Variants in RECQL observed in about 807,000 individuals in gnomAD.
RECQL encodes ATP-dependent DNA helicase Q1.
RECQL carries 73 observed loss-of-function variants against 75.8 expected under a neutral mutation model. The observed-to-expected ratio is 0.96, with a 90% CI of 0.80 to 1.17. The LOEUF is 1.17. Ranked by LOEUF, RECQL falls within the 50% of genes most tolerant of loss-of-function variation. The pLI, the probability that RECQL is intolerant of heterozygous loss-of-function variation, is 0.00. For synonymous variants in RECQL, 248 were observed against 254.4 expected (o/e 0.97, Z 0.24); for missense variants, 699 against 772.1 (o/e 0.91, Z 1.12).
chr12:21,487,418 TTATAGTAA>T (rs1943326731), intron 4 of RECQL, among the ~76,000 whole-genome samples: 1 of 152,218 alleles, frequency 6.6e-6, no homozygotes, highest in African/African-American at 2.4e-5. Flanking sequence ...CTGAATGAAG[TTATAGTAA>T]TATGCCCCCT....
intron 8 of RECQL, 60 bp downstream of exon 8, chr12:21,476,851 A>G: frequency 9.3e-7 from 1 of 1,078,408 alleles, no homozygotes; most frequent in Non-Finnish European, 1.4e-6. Flanking sequence ...TATCAATATG[A>G]TATGAAGTCA....
chr12:21,488,854 G>A (rs1943355455), intron 4 of RECQL, among the ~76,000 whole-genome samples: 1 of 152,198 alleles, frequency 6.6e-6, no homozygotes, highest in Non-Finnish European at 1.5e-5. Context: ...ATAAGGAAAA[G>A]TTTTAAAAAT....
At chr12:21,493,359 T>C (rs147377725) in intron 2 of RECQL, among the ~76,000 whole-genome samples, 6 of 152,264 alleles carry the variant, frequency 3.9e-5, no homozygotes, top group Middle Eastern at 3.4e-3. Flanking sequence ...CTGTTACAAA[T>C]GTTTTGGTGA....
chr12:21,496,991 G>T (rs1943520903), intron 2 of RECQL, among the ~76,000 whole-genome samples: 1 of 152,222 alleles, frequency 6.6e-6, no homozygotes, highest in South Asian at 2.1e-4. Context: ...TCACAACAAA[G>T]ATGATAAGGA....
rs995459331 is a variant in RECQL, at chr12:21,471,242, TAAAG to T, written c.1668-148_1668-145del. ...TTTACAAGAATGCAAATAAAGCCTT[TAAAG>T]AAAATATTTTCGTTACTTTTTTTTA... On this transcript the variant is annotated intron_variant, in intron 13 of 14. Coordinates refer to ENST00000444129, the MANE Select transcript of RECQL (RefSeq NM_002907.4). The T allele has an allele frequency of 5.8e-6, 6 of 1,032,540 alleles. No homozygotes were observed. The African/African-American group carries it at 1.0e-4, about 17-fold the overall frequency. The allele number at this position is 1,032,540 out of a possible 1,614,324, so 64.0% of individuals were successfully genotyped here.
In RECQL at chr12:21,474,855, A is replaced by G; in HGVS notation, c.1341T>C (p.Cys447=). ...ATGTGGCTTACTTGCTTATGTTTTG[A>G]CAGTATGATACCATCTCATAAAGCT... ...QQKLYEMVSY[C]QNISKCRRVL... is the part of the protein sequence containing the mutation. The change falls in exon 11 of 15, where the codon TGT becomes TGC. Residue 447 remains cysteine (C), a synonymous_variant. Coordinates refer to ENST00000444129, the MANE Select transcript of RECQL (RefSeq NM_002907.4). The G allele has an allele frequency of 6.2e-7, 1 of 1,612,600 alleles. No individual in the cohort carries two copies. Among genetic ancestry groups the G allele is most frequent in the South Asian group, 1.1e-5 (1 of 90,980 alleles).
At position 21,483,358 on chromosome 12, in the gene RECQL, T is replaced by C. The variant is rs764111407; in HGVS notation, c.700+18A>G. 6.3e-7 allele frequency: 1 copy of C among 1,577,672 alleles called. No homozygotes were observed. Among genetic ancestry groups the C allele is most frequent in the Admixed American group, 1.8e-5 (1 of 54,232 alleles). On this transcript the variant is annotated intron_variant, in intron 6 of 14. Transcript: ENST00000444129. ...CGGTCTATGACATCAAAAAGTTTTC[T>C]AGATAAAACATACATACCAGGTCTG...
chr12:21,481,915 G>T (rs1943199057), intron 6 of RECQL, among the ~76,000 whole-genome samples: 1 of 151,968 alleles, frequency 6.6e-6, no homozygotes, highest in Admixed American at 6.6e-5. Flanking sequence ...GAGGAATGAA[G>T]ATGAGACCAC....
chr12:21,490,695 T>A (rs1207571599), intron 3 of RECQL, among the ~76,000 whole-genome samples: 2 of 152,046 alleles, frequency 1.3e-5, no homozygotes, highest in African/African-American at 2.4e-5. Context: ...ATAAAAAAAT[T>A]TTTTTTAAAG....
chr12:21,496,760 C>T (rs1943516051), intron 2 of RECQL, among the ~76,000 whole-genome samples: 1 of 152,188 alleles, frequency 6.6e-6, no homozygotes, highest in African/African-American at 2.4e-5. Context: ...ACTAAGAGAG[C>T]AGCACAGAGC....
chr12:21,485,199 G>GAAAAAAAAAAA, intron 5 of RECQL, among the ~76,000 whole-genome samples: 1 of 133,610 alleles, frequency 7.5e-6, no homozygotes, highest in Non-Finnish European at 1.6e-5. Context: ...ACCACAGTAA[G>GAAAAAAAAAAA]TATACTCTTG....
chr12:21,470,723 T>G (rs1378421155), intron 14 of RECQL: 1 of 333,006 alleles, frequency 3.0e-6, no homozygotes, highest in East Asian at 5.3e-5. Flanking sequence ...AAATTAGATA[T>G]TCAAACGGAG....
At chr12:21,483,926 T>C in intron 5 of RECQL, among the ~76,000 whole-genome samples, 1 of 152,262 alleles carries the variant, frequency 6.6e-6, no homozygotes, top group East Asian at 1.9e-4. Context: ...ATGCAATTGT[T>C]ATGGTTATAA....
intron 6 of RECQL, among the ~76,000 whole-genome samples, chr12:21,481,676 A>G (rs138243774): frequency 3.8e-4 from 58 of 152,340 alleles, no homozygotes; most frequent in Admixed American, 7.8e-4. Flanking sequence ...TAGGTAGAGA[A>G]TGCAGTCTTC....
Position 21,471,434 on chromosome 12 carries a change from T to C in RECQL, c.1661A>G (p.Tyr554Cys), listed in dbSNP as rs544884266. 237 of 1,611,414 alleles carry C rather than the reference T, an allele frequency of 1.5e-4. 7 individuals are homozygous for C. In the South Asian group the frequency reaches 2.5e-3, roughly 17 times the overall value. The change falls in exon 13 of 15, where the codon TAT becomes TGT. Residue 554 changes from tyrosine (Y) to cysteine (C), a missense_variant. Around this residue, in one of 2 missense-constraint regions of RECQL, gnomAD observed 669 missense variants for 713.5 expected, o/e 0.94. Transcript: ENST00000444129. Reference protein sequence around the residue: ...KIIAHFLIQQYLKEDYSFTAY... With the variant: ...KIIAHFLIQQCLKEDYSFTAY... ...TGAATGAGTTTGTACATACTTAAGATACTGCTGTATTAGAAAGTGTGCAAT... is the reference window on the plus strand; with the variant it reads ...TGAATGAGTTTGTACATACTTAAGACACTGCTGTATTAGAAAGTGTGCAAT...
intron 6 of RECQL, among the ~76,000 whole-genome samples, chr12:21,482,449 T>A (rs1388507778): frequency 1.3e-5 from 2 of 152,140 alleles, no homozygotes; most frequent in African/African-American, 4.8e-5. Flanking sequence ...GGGACAAGTA[T>A]AAGGACGGCT....
chr12:21,489,063 T>A (rs953065693), intron 4 of RECQL, among the ~76,000 whole-genome samples: 1 of 152,242 alleles, frequency 6.6e-6, no homozygotes, highest in African/African-American at 2.4e-5. Flanking sequence ...CAGAACAGCT[T>A]TCCCTGACAG....
chr12:21,482,842 G>A (rs903191037), intron 6 of RECQL, among the ~76,000 whole-genome samples: 2 of 152,074 alleles, frequency 1.3e-5, no homozygotes, highest in African/African-American at 4.8e-5. Context: ...ACTTACTTTA[G>A]GCTATGACTG....
intron 4 of RECQL, among the ~76,000 whole-genome samples, chr12:21,487,669 A>G (rs1357105981): frequency 6.6e-6 from 1 of 152,182 alleles, no homozygotes; most frequent in South Asian, 2.1e-4. Context: ...AAACATGGTC[A>G]AGTCCCTCTC....
Sources: gnomAD v4.1 joint callset for allele counts (sites outside exome capture counted in the v4.1 genomes callset) on GRCh38, gnomAD v4.1.1 for gene constraint, gnomAD v4.1.1 regional missense constraint, MANE v1.5 for transcripts, NCBI Gene and HGNC (gene_info 2026-07-23, HGNC 2026-07-21) for gene names.